The following SCAI variants were observed in gnomAD, a reference collection of about 807,000 sequenced individuals.
The protein encoded by SCAI is suppressor of cancer cell invasion.
SCAI carries 24 observed loss-of-function variants against 92.2 expected under a neutral mutation model. The observed-to-expected ratio is 0.26, with a 90% CI of 0.19 to 0.37. The LOEUF is 0.37. SCAI is among the 10% of genes least tolerant of loss of function. The pLI is 1.00. For synonymous variants in SCAI, 261 were observed against 258.6 expected (o/e 1.01, Z -0.09); for missense variants, 450 against 736.2 (o/e 0.61, Z 4.50).
intron 2 of SCAI, among the ~76,000 whole-genome samples, chr9:125,085,239 C>T (rs571096190): frequency 7.9e-5 from 12 of 152,158 alleles, no homozygotes; most frequent in Non-Finnish European, 1.8e-4. Context: ...GTAATCCCAG[C>T]GCTTCGGGAG....
At chr9:125,019,280 T>C (rs1832823065) in intron 7 of SCAI, 75 bp from the exon 8 acceptor site, 1 of 790,420 alleles carries the variant, frequency 1.3e-6, no homozygotes, top group Admixed American at 3.0e-5. Flanking sequence ...ACCATATTCC[T>C]GACAGAAACC....
intron 2 of SCAI, among the ~76,000 whole-genome samples, chr9:125,106,455 T>C (rs1355683496): frequency 1.3e-5 from 2 of 151,834 alleles, no homozygotes; most frequent in African/African-American, 4.8e-5. Flanking sequence ...TGCTGCTAGG[T>C]AATATTTCCT....
intron 17 of SCAI, among the ~76,000 whole-genome samples, chr9:124,969,227 G>A (rs1256706021): frequency 6.6e-6 from 1 of 152,144 alleles, no homozygotes; most frequent in Non-Finnish European, 1.5e-5. Flanking sequence ...TTACAGGTGT[G>A]AGCCACTGCG....
chr9:124,962,299 A>C (rs1831455559), intron 17 of SCAI, among the ~76,000 whole-genome samples: 1 of 151,862 alleles, frequency 6.6e-6, no homozygotes, highest in South Asian at 2.1e-4. Flanking sequence ...AGCTGAGACT[A>C]CAGGCTCACG....
chr9:125,044,596 G>A (rs1833397477), intron 3 of SCAI, among the ~76,000 whole-genome samples: 1 of 152,120 alleles, frequency 6.6e-6, no homozygotes, highest in Non-Finnish European at 1.5e-5. Flanking sequence ...CCCTCCAGTT[G>A]TCCACATACC....
chr9:124,984,509 T>G (rs754994328), intron 14 of SCAI, among the ~76,000 whole-genome samples: 1 of 152,108 alleles, frequency 6.6e-6, no homozygotes, highest in Non-Finnish European at 1.5e-5. Flanking sequence ...GAGGAGGTAA[T>G]AGGATCTTGG....
chr9:125,122,861 G>A (rs1467650888), intron 2 of SCAI, among the ~76,000 whole-genome samples: 7 of 152,112 alleles, frequency 4.6e-5, no homozygotes, highest in Admixed American at 1.3e-4. Context: ...AGCCAAGATC[G>A]CACCACCGCA....
At chr9:125,122,608 A>C (rs1349539229) in intron 2 of SCAI, among the ~76,000 whole-genome samples, 1 of 138,598 alleles carries the variant, frequency 7.2e-6, no homozygotes, top group African/African-American at 2.8e-5. Context: ...AAAAAAAAAA[A>C]AAAAAAGCTG....
At chr9:125,013,324 G>A (rs905517122) in intron 9 of SCAI, among the ~76,000 whole-genome samples, 30 of 151,916 alleles carry the variant, frequency 2.0e-4, no homozygotes, top group South Asian at 4.2e-4. Context: ...TCAAATAGAC[G>A]CAATAAAAAA....
intron 4 of SCAI, 43 bp downstream of exon 4, chr9:125,029,601 C>T (rs1345109821): frequency 8.1e-7 from 1 of 1,236,156 alleles, no homozygotes; most frequent in African/African-American, 1.5e-5. Context: ...GTGACTAATA[C>T]AAAACAGGCC....
intron 2 of SCAI, among the ~76,000 whole-genome samples, chr9:125,118,530 A>G (rs945370310): frequency 1.3e-5 from 2 of 152,050 alleles, no homozygotes; most frequent in Middle Eastern, 3.4e-3. Flanking sequence ...AAATAAATAA[A>G]TAAATAAAGC....
intron 2 of SCAI, among the ~76,000 whole-genome samples, chr9:125,058,440 G>A (rs900689035): frequency 2.6e-5 from 4 of 152,114 alleles, no homozygotes; most frequent in Non-Finnish European, 4.4e-5. Context: ...ACGTGAACCC[G>A]GGAGGCGGAG....
chr9:124,990,644 G>A (rs1832099758), intron 14 of SCAI, among the ~76,000 whole-genome samples: 2 of 152,056 alleles, frequency 1.3e-5, no homozygotes, highest in East Asian at 1.9e-4. Context: ...TAAAACTGAA[G>A]AATCAAGAAT....
intron 2 of SCAI, among the ~76,000 whole-genome samples, chr9:125,070,152 A>C (rs1334753507): frequency 1.3e-5 from 2 of 152,198 alleles, no homozygotes; most frequent in Non-Finnish European, 2.9e-5. Context: ...GAAACAGCAT[A>C]AATTGAAAAA....
intron 2 of SCAI, among the ~76,000 whole-genome samples, chr9:125,133,188 G>A (rs1026355956): frequency 3.3e-5 from 5 of 152,006 alleles, no homozygotes; most frequent in Middle Eastern, 3.2e-3. Flanking sequence ...TCAGGAGTTC[G>A]AGACCAGCCT....
intron 3 of SCAI, among the ~76,000 whole-genome samples, chr9:125,032,715 G>A (rs1172482257): frequency 6.6e-6 from 1 of 150,916 alleles, no homozygotes; most frequent in Non-Finnish European, 1.5e-5. Context: ...CTGGGTTCAA[G>A]TGATTCTCCT....
At chr9:125,137,784 T>G (rs777376624) in intron 2 of SCAI, among the ~76,000 whole-genome samples, 1 of 152,024 alleles carries the variant, frequency 6.6e-6, no homozygotes, top group Non-Finnish European at 1.5e-5. Flanking sequence ...GTATTTTTAG[T>G]AGAGATGGGG....
At chr9:125,088,503 T>C (rs181958557) in intron 2 of SCAI, among the ~76,000 whole-genome samples, 27 of 152,336 alleles carry the variant, frequency 1.8e-4, no homozygotes, top group Admixed American at 1.1e-3. Context: ...TCCAGGATTG[T>C]TTCCTGAGGC....
intron 14 of SCAI, among the ~76,000 whole-genome samples, chr9:124,981,503 C>G (rs1831885569): frequency 6.6e-6 from 1 of 152,082 alleles, no homozygotes; most frequent in South Asian, 2.1e-4. Context: ...TCTCTAAGTA[C>G]AACGTTGGCT....
Sources: gnomAD v4.1 joint callset for allele counts (sites outside exome capture counted in the v4.1 genomes callset) on GRCh38, gnomAD v4.1.1 for gene constraint, MANE v1.5 for transcripts, NCBI Gene and HGNC (gene_info 2026-07-23, HGNC 2026-07-21) for gene names.